FHL5: variants seen among roughly 807,000 people sequenced by gnomAD.
FHL5 encodes four and a half LIM domains 5.
In FHL5, 33 loss-of-function variants were observed where a neutral mutation model predicts 32.0. The ratio of observed to expected loss-of-function variants is 1.03; its 90% CI spans 0.78 to 1.38. FHL5 has a LOEUF of 1.38. Among genes scored for constraint, FHL5 ranks in the 40% most tolerant of loss-of-function variants. The pLI, the probability that FHL5 is intolerant of heterozygous loss-of-function variation, is 0.00. For synonymous variants in FHL5, 114 were observed against 113.6 expected (o/e 1.00, Z -0.02); for missense variants, 336 against 343.9 (o/e 0.98, Z 0.18).
chr6:96,594,252 TATATATATATATATATATA>T (rs1562059652), intron 1 of FHL5, among the ~76,000 whole-genome samples: 26 of 135,028 alleles, frequency 1.9e-4, no homozygotes, highest in African/African-American at 4.5e-4. Flanking sequence ...TATATATATA[TATATATATATATATATATA>T]TATGTATGTA....
At chr6:96,565,682 A>G (rs1770340780) in intron 1 of FHL5, among the ~76,000 whole-genome samples, 1 of 152,100 alleles carries the variant, frequency 6.6e-6, no homozygotes, top group Non-Finnish European at 1.5e-5. Flanking sequence ...ATATCATTGC[A>G]ATTATAATGC....
intron 1 of FHL5, among the ~76,000 whole-genome samples, chr6:96,587,456 A>G (rs1006200621): frequency 6.6e-6 from 1 of 152,194 alleles, no homozygotes; most frequent in African/African-American, 2.4e-5. Context: ...TATATGGCTG[A>G]TATCATCACT....
intron 1 of FHL5, among the ~76,000 whole-genome samples, chr6:96,582,176 A>G (rs1195114194): frequency 3.9e-5 from 6 of 152,172 alleles, no homozygotes; most frequent in African/African-American, 1.4e-4. Context: ...AGAAGGGCAG[A>G]CTTATATCTG....
At chr6:96,614,915 C>T (rs1771484868) in intron 5 of FHL5, among the ~76,000 whole-genome samples, 1 of 152,178 alleles carries the variant, frequency 6.6e-6, no homozygotes, top group East Asian at 1.9e-4. Flanking sequence ...AAACCAATCA[C>T]GTGATAACGT....
At position 96,564,783 on chromosome 6, in the gene FHL5, C is replaced by T. The variant is rs150564775; in HGVS notation, c.-13+1428C>T. On this transcript the variant is annotated intron_variant, in intron 1 of 5. Transcript: ENST00000450218. ...AGCTCTGAATCAGATATTAGTTAAA[C>T]CAGCTTGCATTTCCTTGTTCTTGTA... is the stretch of plus-strand genomic sequence containing the variant. Among the ~76,000 whole-genome samples the T allele has an allele frequency of 3.3e-4, 51 of 152,272 alleles. No individual in the cohort carries two copies. The East Asian group carries it at 7.1e-3, about 21-fold the overall frequency.
In FHL5 at chr6:96,618,442, A is replaced by C. The variant is rs958145119; in HGVS notation, c.*2670A>C. 1.3e-5 allele frequency among the ~76,000 whole-genome samples: 2 copies of C among 152,262 alleles called. No homozygotes were observed. Among genetic ancestry groups the C allele is most frequent in the African/African-American group, 4.8e-5 (2 of 41,478 alleles). On this transcript the variant is annotated 3_prime_UTR_variant, in exon 6 of 6. Coordinates refer to ENST00000450218, the MANE Select transcript of FHL5 (RefSeq NM_001322466.2). ...GAGAATATTAACTCTTAGGATAAAAAGTGACATAACCGGCCATAGAAAGTT... is the reference window on the plus strand; with the variant it reads ...GAGAATATTAACTCTTAGGATAAAACGTGACATAACCGGCCATAGAAAGTT...
intron 1 of FHL5, among the ~76,000 whole-genome samples, chr6:96,592,237 C>T (rs1300416011): frequency 6.6e-6 from 1 of 152,100 alleles, no homozygotes; most frequent in East Asian, 1.9e-4. Flanking sequence ...GATGGCCACA[C>T]CCAAGGGGGC....
At chr6:96,603,807 A>G (rs762276865) in intron 2 of FHL5, 35 bp downstream of exon 2, 69 of 1,563,864 alleles carry the variant, frequency 4.4e-5, no homozygotes, top group Middle Eastern at 3.4e-4. Context: ...ATTACTGCCT[A>G]TGAACAGCAA....
intron 1 of FHL5, among the ~76,000 whole-genome samples, chr6:96,599,415 A>T (rs1771105072): frequency 6.6e-6 from 1 of 152,052 alleles, no homozygotes; most frequent in Admixed American, 6.6e-5. Context: ...GGCTGCTCTC[A>T]AACTCACGAC....
chr6:96,595,627 C>G (rs7767682), intron 1 of FHL5, among the ~76,000 whole-genome samples: 1 of 151,630 alleles, frequency 6.6e-6, no homozygotes, highest in African/African-American at 2.4e-5. Context: ...TTTTCTATCT[C>G]TTTTTCTTTC....
At chr6:96,601,709 ACGACGT>A (rs1349575356) in intron 1 of FHL5, among the ~76,000 whole-genome samples, 2 of 152,220 alleles carry the variant, frequency 1.3e-5, no homozygotes, top group Non-Finnish European at 2.9e-5. Flanking sequence ...ATTAATGAAA[ACGACGT>A]TTTCCATATT....
Position 96,615,660 on chromosome 6 carries a change from A to C in FHL5, c.743A>C (p.Glu248Ala). 6.2e-7 allele frequency: 1 copy of C among 1,613,178 alleles called. No individual in the cohort carries two copies. The highest frequency in any genetic ancestry group is 8.5e-7 in the Non-Finnish European group (1 of 1,179,602). Residue 248 changes from glutamate (E) to alanine (A), a missense_variant, in exon 6 of 6, where the codon GAA (glutamate) becomes GCA (alanine). Glu to Ala is a moderately radical substitution (Grantham distance 107). Transcript: ENST00000450218. ...ICFQDSQWHSECFNCGKCSVS... is the reference protein window; with the variant it reads ...ICFQDSQWHSACFNCGKCSVS... ...TTTCAAGACAGCCAGTGGCATAGCG[A>C]ATGCTTTAACTGCGGGAAATGCTCT...
chr6:96,602,391 C>T (rs1281101455), intron 1 of FHL5, among the ~76,000 whole-genome samples: 3 of 140,144 alleles, frequency 2.1e-5, no homozygotes, highest in African/African-American at 5.3e-5. Flanking sequence ...ATGTTCAATG[C>T]CTAATTAAAA....
Position 96,610,691 on chromosome 6 carries a change from A to C in FHL5, c.624A>C (p.Pro208=). 1 of 1,613,720 alleles carries C rather than the reference A, an allele frequency of 6.2e-7. No homozygotes were observed. The highest frequency in any genetic ancestry group is 8.5e-7 in the Non-Finnish European group (1 of 1,179,670). The part of the protein sequence containing the change: ...EEQFMSRDDY[P]FCVDCYNHLY... ...AGTTCATGTCCAGAGACGACTATCC[A>C]TTCTGCGTGGACTGCTACAACCATC... The change falls in exon 5 of 6, where the codon CCA becomes CCC. Residue 208 remains proline (P), a synonymous_variant. Transcript: ENST00000450218.
intron 1 of FHL5, among the ~76,000 whole-genome samples, chr6:96,602,422 G>GTTCCTTT (rs1562062425): frequency 2.3e-4 from 6 of 26,606 alleles, no homozygotes; most frequent in African/African-American, 6.8e-4. Context: ...TATATGCGTT[G>GTTCCTTT]TTTCTTTTTT....
intron 4 of FHL5, among the ~76,000 whole-genome samples, chr6:96,610,364 T>A (rs1771372621): frequency 1.3e-5 from 2 of 152,230 alleles, no homozygotes; most frequent in East Asian, 1.9e-4. Context: ...TAATTTTTAA[T>A]GACTTTTTGA....
intron 1 of FHL5, among the ~76,000 whole-genome samples, chr6:96,576,720 C>T (rs1487694712): frequency 1.3e-5 from 2 of 152,246 alleles, no homozygotes; most frequent in Non-Finnish European, 1.5e-5. Context: ...TGCATTCATT[C>T]AGCATGTATT....
Position 96,572,978 on chromosome 6 carries a change from C to T in FHL5, c.-13+9623C>T, listed in dbSNP as rs188717049. Among the ~76,000 whole-genome samples the T allele has an allele frequency of 6.3e-3, 952 of 152,286 alleles. 7 individuals are homozygous for T. Among genetic ancestry groups the T allele is most frequent in the Admixed American group, 8.2e-3 (126 of 15,300 alleles). ...TTGACAGAGGCATAAGCACTAGGGG[C>T]TTCTAGTTGGCTATCTTGCTGCTAT... On this transcript the variant is annotated intron_variant, in intron 1 of 5. Coordinates refer to ENST00000450218, the MANE Select transcript of FHL5 (RefSeq NM_001322466.2).
intron 5 of FHL5, among the ~76,000 whole-genome samples, chr6:96,613,253 A>AT (rs1303860231): frequency 2.0e-5 from 3 of 152,282 alleles, no homozygotes; most frequent in South Asian, 2.1e-4. Context: ...TTAATCAATT[A>AT]TTTTTTTAAA....
Sources: allele counts gnomAD v4.1 joint callset (sites outside exome capture counted in the v4.1 genomes callset), GRCh38; gene constraint gnomAD v4.1.1; transcripts MANE v1.5; gene names NCBI Gene and HGNC (gene_info 2026-07-23, HGNC 2026-07-21).